The following HRH4 variants were observed in gnomAD, a reference collection of about 807,000 sequenced individuals.
HRH4 encodes histamine H4 receptor.
In HRH4, 12 loss-of-function variants were observed where a neutral mutation model predicts 10.4. The ratio of observed to expected loss-of-function variants is 1.15; its 90% CI spans 0.74 to 1.87. The LOEUF is 1.87. Among genes scored for constraint, HRH4 ranks in the 40% most tolerant of loss-of-function variants. The probability of loss-of-function intolerance (pLI) is 0.00; values close to 1 mark genes in which losing one functional copy is unlikely to be tolerated. For missense variants in HRH4, 415 were observed against 453.3 expected (o/e 0.92, Z 0.77); for synonymous variants, 154 against 166.6 (o/e 0.92, Z 0.58).
chr18:24,468,888 T>C lies in HRH4; in HGVS notation c.294T>C (p.Cys98=). The C allele has an allele frequency of 3.7e-6, 6 of 1,613,860 alleles. No individual in the cohort carries two copies. The highest frequency in any genetic ancestry group is 5.1e-6 in the Non-Finnish European group (6 of 1,179,740). ...VFWLTTDYLL[C]TASVYNIVLI... ...GGCTCACTACTGACTATCTGTTATG[T>C]ACAGCATCTGTATATAACATTGTCC... Residue 98 remains cysteine (C), a synonymous_variant, in exon 2 of 3, where the codon TGT becomes TGC. Transcript: ENST00000256906.
intron 2 of HRH4, among the ~76,000 whole-genome samples, chr18:24,470,700 C>T (rs1189034979): frequency 1.3e-5 from 2 of 151,348 alleles, no homozygotes; most frequent in African/African-American, 4.9e-5. Context: ...GATGGGCTTT[C>T]ACCGTGTTGG....
chr18:24,462,175 A>G (rs1052320451), intron 1 of HRH4, among the ~76,000 whole-genome samples: 1 of 152,212 alleles, frequency 6.6e-6, no homozygotes, highest in African/African-American at 2.4e-5. Context: ...CATTGTGCTT[A>G]TCTTCCTAAG....
chr18:24,466,987 T>C (rs984387148), intron 1 of HRH4, among the ~76,000 whole-genome samples: 1 of 152,246 alleles, frequency 6.6e-6, no homozygotes, highest in Non-Finnish European at 1.5e-5. Flanking sequence ...GCTTATCTAT[T>C]TGTTCATGCA....
At chr18:24,465,395 A>T (rs900167417) in intron 1 of HRH4, among the ~76,000 whole-genome samples, 1 of 152,128 alleles carries the variant, frequency 6.6e-6, no homozygotes, top group Non-Finnish European at 1.5e-5. Context: ...GATCTGAGGC[A>T]GAAGGGTGGG....
chr18:24,474,619 A>AT lies in HRH4; in HGVS notation c.358-2119dup, dbSNP rs200691471. On this transcript the variant is annotated intron_variant, in intron 2 of 2. Coordinates refer to ENST00000256906, the MANE Select transcript of HRH4 (RefSeq NM_021624.4). Reference sequence around the variant, plus strand: ...ATGTACCAATTTCATGGGTAGATCCATTTTTTTTTGCCTGTGAGAGAGGAA... The same window carrying AT: ...ATGTACCAATTTCATGGGTAGATCCATTTTTTTTTTGCCTGTGAGAGAGGAA... Among the ~76,000 whole-genome samples, 33 of 149,990 alleles carry AT rather than the reference A, an allele frequency of 2.2e-4. No individual in the cohort carries two copies. The East Asian group carries it at 2.5e-3, about 12-fold the overall frequency.
chr18:24,472,994 A>C (rs1910016307), intron 2 of HRH4, among the ~76,000 whole-genome samples: 2 of 152,170 alleles, frequency 1.3e-5, no homozygotes, highest in Non-Finnish European at 2.9e-5. Flanking sequence ...GTCTCTACTA[A>C]AAATACAAAA....
intron 1 of HRH4, among the ~76,000 whole-genome samples, chr18:24,462,187 G>T (rs1909662099): frequency 6.6e-6 from 1 of 152,188 alleles, no homozygotes; most frequent in African/African-American, 2.4e-5. Flanking sequence ...CTTCCTAAGG[G>T]TGAGTGAGCT....
Position 24,460,772 on chromosome 18 carries a change from G to A in HRH4, c.44G>A (p.Arg15His), listed in dbSNP as rs752596225. The part of the protein sequence containing the change: ...NSTINLSLST[R>H]VTLAFFMSLV... ...ACAATCAATTTATCACTAAGCACTCGTGTTACTTTAGCATTTTTTATGTCC... is the reference window on the plus strand; with the variant it reads ...ACAATCAATTTATCACTAAGCACTCATGTTACTTTAGCATTTTTTATGTCC... Residue 15 changes from arginine to histidine, a missense_variant, in exon 1 of 3, where the codon CGT (arginine) becomes CAT (histidine). Transcript: ENST00000256906. 33 of 1,540,284 alleles carry A rather than the reference G, an allele frequency of 2.1e-5. No homozygotes were observed. The highest frequency in any genetic ancestry group is 6.9e-5 in the Admixed American group (4 of 57,654).
chr18:24,467,533 TTTTA>T (rs1458493283), intron 1 of HRH4, among the ~76,000 whole-genome samples: 1 of 151,974 alleles, frequency 6.6e-6, no homozygotes, highest in East Asian at 1.9e-4. Flanking sequence ...TGAATGGACT[TTTTA>T]TTTATTTTTT....
At chr18:24,469,750 T>C (rs1050450013) in intron 2 of HRH4, among the ~76,000 whole-genome samples, 1 of 152,200 alleles carries the variant, frequency 6.6e-6, no homozygotes, top group African/African-American at 2.4e-5. Context: ...AGTCTCCATT[T>C]CATTTTTCTT....
chr18:24,472,181 G>A (rs1279725594), intron 2 of HRH4, among the ~76,000 whole-genome samples: 1 of 152,192 alleles, frequency 6.6e-6, no homozygotes, highest in Admixed American at 6.5e-5. Context: ...GAGTAGCTGG[G>A]ATTACAGGCG....
chr18:24,474,841 A>G (rs1421931018), intron 2 of HRH4, among the ~76,000 whole-genome samples: 2 of 151,908 alleles, frequency 1.3e-5, no homozygotes, highest in African/African-American at 4.8e-5. Flanking sequence ...GCGAGCCACC[A>G]TGCCAGGCTA....
chr18:24,471,001 C>T (rs1294112891), intron 2 of HRH4, among the ~76,000 whole-genome samples: 3 of 151,010 alleles, frequency 2.0e-5, no homozygotes, highest in African/African-American at 7.3e-5. Context: ...GAAACTTAGT[C>T]ACATGGTCCC....
intron 1 of HRH4, among the ~76,000 whole-genome samples, chr18:24,467,639 G>A (rs1909811928): frequency 6.6e-6 from 1 of 152,180 alleles, no homozygotes; most frequent in African/African-American, 2.4e-5. Context: ...CATCTCCCGG[G>A]TTCAAGCGGT....
At chr18:24,467,183 A>G (rs947656238) in intron 1 of HRH4, among the ~76,000 whole-genome samples, 1 of 152,214 alleles carries the variant, frequency 6.6e-6, no homozygotes, top group African/African-American at 2.4e-5. Context: ...AAATGAGGTG[A>G]CATTTGCAAT....
intron 1 of HRH4, among the ~76,000 whole-genome samples, chr18:24,465,607 G>C (rs573261688): frequency 6.6e-6 from 1 of 152,290 alleles, no homozygotes; most frequent in East Asian, 1.9e-4. Context: ...AAACACTTCA[G>C]AGTAGGTATA....
At chr18:24,465,507 TTTGTC>T (rs1909750660) in intron 1 of HRH4, among the ~76,000 whole-genome samples, 1 of 152,058 alleles carries the variant, frequency 6.6e-6, no homozygotes, top group African/African-American at 2.4e-5. Flanking sequence ...TTCTTTTACT[TTTGTC>T]TTAATCTTTT....
chr18:24,462,658 A>C (rs955678325), intron 1 of HRH4, among the ~76,000 whole-genome samples: 11 of 152,196 alleles, frequency 7.2e-5, no homozygotes, highest in African/African-American at 2.7e-4. Context: ...TTGCACTGAA[A>C]GTTCTGGAGA....
chr18:24,479,963 T>C (rs1360576829), downstream of HRH4: 3 of 152,048 alleles, frequency 2.0e-5, no homozygotes, highest in African/African-American at 4.8e-5. Flanking sequence ...ATGCACACAT[T>C]TTTATAAACT....
Sources: allele counts gnomAD v4.1 joint callset (sites outside exome capture counted in the v4.1 genomes callset), GRCh38; gene constraint gnomAD v4.1.1; transcripts MANE v1.5; gene names NCBI Gene and HGNC (gene_info 2026-07-23, HGNC 2026-07-21).